Variants in RERE observed in about 807,000 individuals in gnomAD.
The protein encoded by RERE is arginine-glutamic acid dipeptide repeats protein.
Under a neutral mutation model 146.1 loss-of-function variants are expected in RERE, and 40 were observed. The ratio of observed to expected loss-of-function variants is 0.27; its 90% CI spans 0.21 to 0.36. The LOEUF (loss-of-function observed/expected upper bound fraction) is 0.36. Among genes scored for constraint, RERE ranks in the 10% least tolerant of loss-of-function variants. The probability of loss-of-function intolerance (pLI) is 1.00; values close to 1 mark genes in which losing one functional copy is unlikely to be tolerated. For missense variants in RERE, 1,933 were observed against 2,138.7 expected (o/e 0.90, Z 1.90); for synonymous variants, 1,003 against 866.0 (o/e 1.16, Z -2.78).
intron 7 of RERE, chr1:8,525,673 T>C (rs1265292808): frequency 1.5e-6 from 2 of 1,378,980 alleles, no homozygotes; most frequent in Admixed American, 2.8e-5. Flanking sequence ...CTATGAATGA[T>C]GAAATGATTC....
chr1:8,360,951 G>A lies in RERE; in HGVS notation c.2556C>T (p.Pro852=), dbSNP rs772244383. The change falls in exon 18 of 23, where the codon CCC becomes CCT. Residue 852 remains proline (P), a synonymous_variant. Transcript: ENST00000400908. ...GCCCAGCCTGCAGGCTGTGAGGGCC[G>A]GGTGGGCCCTGACCGTGCAGTGGGG... ...AQPPLHGQGP[P]GPHSLQAGPL... 1.7e-5 allele frequency: 25 copies of A among 1,457,978 alleles called. No homozygotes were observed. In the Admixed American group the frequency reaches 2.6e-4, roughly 15 times the overall value. The allele number at this position is 1,457,978 out of a possible 1,614,324, so 90.3% of individuals were successfully genotyped here.
At chr1:8,529,752 G>GTCCTCC (rs923495195) in intron 7 of RERE, among the ~76,000 whole-genome samples, 1 of 151,834 alleles carries the variant, frequency 6.6e-6, no homozygotes, top group African/African-American at 2.4e-5. Flanking sequence ...TATAGGATCA[G>GTCCTCC]TCCTCCTCCT....
intron 1 of RERE, among the ~76,000 whole-genome samples, chr1:8,777,688 C>A (rs1432405667): frequency 6.7e-6 from 1 of 150,172 alleles, no homozygotes; most frequent in Non-Finnish European, 1.5e-5. Context: ...GTGCCCGCCA[C>A]CACACCCGGC....
intron 7 of RERE, among the ~76,000 whole-genome samples, chr1:8,534,673 C>T (rs1383439070): frequency 1.3e-5 from 2 of 151,856 alleles, no homozygotes; most frequent in African/African-American, 2.4e-5. Context: ...CATTATTCCG[C>T]TAAATAAATG....
intron 4 of RERE, among the ~76,000 whole-genome samples, chr1:8,608,001 T>G (rs879941651): frequency 6.6e-6 from 1 of 152,078 alleles, no homozygotes; most frequent in Non-Finnish European, 1.5e-5. Context: ...GCTGGGATTA[T>G]AGGTGTGAGC....
chr1:8,362,647 G>T, intron 16 of RERE, 36 bp downstream of exon 16: 1 of 1,613,740 alleles, frequency 6.2e-7, no homozygotes, highest in South Asian at 1.1e-5. Flanking sequence ...GTGAGGGAGG[G>T]ACAGAGTAGG....
chr1:8,480,154 T>TTTG (rs1316044406), intron 10 of RERE, among the ~76,000 whole-genome samples: 3 of 149,254 alleles, frequency 2.0e-5, no homozygotes, highest in Non-Finnish European at 3.0e-5. Flanking sequence ...TTTTTTTTTT[T>TTTG]TTTGAGACAC....
chr1:8,761,661 T>C (rs1640759013), intron 1 of RERE, among the ~76,000 whole-genome samples: 1 of 152,214 alleles, frequency 6.6e-6, no homozygotes, highest in Non-Finnish European at 1.5e-5. Flanking sequence ...CTCATGCCTG[T>C]AATCCCAGCA....
intron 1 of RERE, among the ~76,000 whole-genome samples, chr1:8,657,024 C>G (rs1364967386): frequency 1.3e-5 from 2 of 152,208 alleles, no homozygotes; most frequent in South Asian, 4.1e-4. Context: ...CAGGATAGGC[C>G]GGGCGCGGTG....
chr1:8,379,654 G>T (rs1288042255), intron 12 of RERE, among the ~76,000 whole-genome samples: 2 of 152,202 alleles, frequency 1.3e-5, no homozygotes, highest in Non-Finnish European at 2.9e-5. Flanking sequence ...GGAAGTGTGG[G>T]ACTGGCAGCG....
intron 11 of RERE, among the ~76,000 whole-genome samples, chr1:8,456,474 A>AT (rs1268626786): frequency 4.6e-5 from 7 of 152,226 alleles, no homozygotes; most frequent in African/African-American, 1.7e-4. Flanking sequence ...TCTTGACACA[A>AT]TGAGCAGCTG....
chr1:8,565,716 CCAAA>C (rs1007746712), intron 4 of RERE, among the ~76,000 whole-genome samples: 1 of 152,038 alleles, frequency 6.6e-6, no homozygotes, highest in African/African-American at 2.4e-5. Context: ...TGTCTCAAAA[CCAAA>C]CAAACAAAAA....
chr1:8,371,742 G>A (rs146680757), intron 12 of RERE, among the ~76,000 whole-genome samples: 1 of 152,232 alleles, frequency 6.6e-6, no homozygotes, highest in African/African-American at 2.4e-5. Context: ...GGCAATCTGG[G>A]CTGGAGCAAC....
At chr1:8,539,067 G>A (rs763686714) in intron 7 of RERE, among the ~76,000 whole-genome samples, 4 of 152,174 alleles carry the variant, frequency 2.6e-5, no homozygotes, top group Non-Finnish European at 4.4e-5. Context: ...ACAAACCTGA[G>A]AGTTGAAGAG....
At chr1:8,698,560 C>T (rs557053811) in intron 1 of RERE, among the ~76,000 whole-genome samples, 5 of 152,208 alleles carry the variant, frequency 3.3e-5, no homozygotes, top group African/African-American at 9.6e-5. Context: ...ACTACAACTA[C>T]AAAAGCTCAT....
intron 12 of RERE, among the ~76,000 whole-genome samples, chr1:8,416,873 ATT>A (rs1259386372): frequency 1.3e-5 from 2 of 152,230 alleles, no homozygotes; most frequent in East Asian, 3.8e-4. Flanking sequence ...TAAAATGCAG[ATT>A]CTGGCTCAAG....
At chr1:8,767,406 G>C (rs1640868484) in intron 1 of RERE, among the ~76,000 whole-genome samples, 1 of 152,122 alleles carries the variant, frequency 6.6e-6, no homozygotes, top group African/African-American at 2.4e-5. Context: ...TTTGAGACCA[G>C]CCTGGGCAAC....
intron 7 of RERE, among the ~76,000 whole-genome samples, chr1:8,523,822 A>T (rs1370808356): frequency 1.3e-5 from 2 of 152,252 alleles, no homozygotes; most frequent in African/African-American, 4.8e-5. Context: ...CACACAGGCC[A>T]GCCACACCAG....
Position 8,358,624 on chromosome 1 carries a change from A to G in RERE, c.3911T>C (p.Leu1304Pro), listed in dbSNP as rs1388782289. The change falls in exon 20 of 23, where the codon CTC becomes CCC. Residue 1304 changes from leucine (L) to proline (P), a missense_variant. This residue lies in a region of RERE where 1,255 missense variants were observed against 1,153.8 expected (regional missense o/e 1.09). Transcript: ENST00000400908. ...CCGCTCTCGGATCTCCCGCTCCCGG[A>G]GCTCCCGCTCGCGGATGGTGGGGTC... The part of the protein sequence containing the change: ...NVDPTIRERE[L>P]REREIREREI... 1.9e-6 allele frequency: 3 copies of G among 1,590,352 alleles called. No individual in the cohort carries two copies.
Sources: allele counts gnomAD v4.1 joint callset (sites outside exome capture counted in the v4.1 genomes callset), GRCh38; gene constraint gnomAD v4.1.1; regional missense constraint gnomAD v4.1.1; transcripts MANE v1.5; gene names NCBI Gene and HGNC (gene_info 2026-07-23, HGNC 2026-07-21).